The following KCNJ16 variants were observed in gnomAD, a reference collection of about 807,000 sequenced individuals.
KCNJ16 encodes potassium inwardly rectifying channel subfamily J member 16.
A neutral mutation model predicts 18.5 loss-of-function variants in KCNJ16; 15 were observed. The observed-to-expected ratio is 0.81, with a 90% CI of 0.54 to 1.25. KCNJ16 has a LOEUF of 1.25. Among genes scored for constraint, KCNJ16 ranks in the 50% most tolerant of loss-of-function variants. The probability of loss-of-function intolerance (pLI) is 0.00; values close to 1 mark genes in which losing one functional copy is unlikely to be tolerated. For synonymous variants in KCNJ16, 174 were observed against 186.5 expected, an observed-to-expected ratio of 0.93 and a Z score of 0.55; for missense variants, 523 against 525.7, an observed-to-expected ratio of 0.99 and a Z score of 0.05.
At chr17:70,105,125 T>G (rs1445356159) in intron 2 of KCNJ16, 1 of 152,328 alleles carries the variant, frequency 6.6e-6, no homozygotes, top group Admixed American at 6.5e-5. Context: ...ACTAATTGCT[T>G]GTCGGCTCTT....
rs2074153560 is a variant in KCNJ16, at chr17:70,134,108, C to A, written c.*764C>A. 6.0e-6 allele frequency: 1 copy of A among 167,130 alleles called. No homozygotes were observed. The highest frequency in any genetic ancestry group is 6.5e-5 in the Admixed American group (1 of 15,284). 10.4% of individuals were successfully genotyped at this position (167,130 alleles called of 1,614,324 possible). On this transcript the variant is annotated 3_prime_UTR_variant, in exon 4 of 4. Coordinates refer to ENST00000392671, the MANE Select transcript of KCNJ16 (RefSeq NM_170741.4). Reference sequence around the variant, plus strand: ...AAGGCAACCACGACCTTGCTAGGTTCTCTGAGGAGGGGACTTTCTATGTTC... The same window carrying A: ...AAGGCAACCACGACCTTGCTAGGTTATCTGAGGAGGGGACTTTCTATGTTC...
intron 1 of KCNJ16, among the ~76,000 whole-genome samples, chr17:70,077,674 GTTTTT>G (rs77277323): frequency 6.7e-6 from 1 of 149,388 alleles, no homozygotes; most frequent in African/African-American, 2.5e-5. Context: ...GTTAGGCTGT[GTTTTT>G]TTTTTTTGTT....
chr17:70,109,119 T>C (rs1242728269), intron 2 of KCNJ16, among the ~76,000 whole-genome samples: 1 of 152,186 alleles, frequency 6.6e-6, no homozygotes, highest in Non-Finnish European at 1.5e-5. Flanking sequence ...ACCATCACTC[T>C]GATTCCATGT....
At position 70,132,715 on chromosome 17, in the gene KCNJ16, C is replaced by G. The variant is rs562827603; in HGVS notation, c.628C>G (p.His210Asp). ...MWRIGDFRPNHVVEGTVRAQL... is the reference protein window; with the variant it reads ...MWRIGDFRPNDVVEGTVRAQL... ...GCGCATTGGTGATTTTCGGCCAAAC[C>G]ACGTGGTAGAAGGAACAGTTAGAGC... The change falls in exon 4 of 4, where the codon CAC (histidine) becomes GAC (aspartate). Residue 210 changes from histidine (H) to aspartate (D), a missense_variant. By Grantham distance (81) the His-to-Asp change is moderately conservative. Transcript: ENST00000392671. 2.5e-5 allele frequency: 40 copies of G among 1,614,108 alleles called. No homozygotes were observed. In the East Asian group the frequency reaches 8.5e-4, roughly 34 times the overall value.
intron 2 of KCNJ16, among the ~76,000 whole-genome samples, chr17:70,120,143 C>T (rs2073572736): frequency 6.6e-6 from 1 of 152,216 alleles, no homozygotes; most frequent in Admixed American, 6.5e-5. Flanking sequence ...GGCAGAGGCA[C>T]AATGCAGCCA....
chr17:70,133,370 C>A lies in KCNJ16; in HGVS notation c.*26C>A, dbSNP rs756334294. On this transcript the variant is annotated 3_prime_UTR_variant, in exon 4 of 4. Transcript: ENST00000392671. The stretch of plus-strand genomic sequence containing the variant: ...TCCTAAATTGCAATTATGAGGGCTA[C>A]CACTGAATCATTTTATCTTTCAGCC... 2.5e-6 allele frequency: 4 copies of A among 1,569,490 alleles called. No homozygotes were observed. The highest frequency in any genetic ancestry group is 3.5e-6 in the Non-Finnish European group (4 of 1,153,680).
At chr17:70,099,430 G>A (rs1383213723) in intron 1 of KCNJ16, among the ~76,000 whole-genome samples, 1 of 152,002 alleles carries the variant, frequency 6.6e-6, no homozygotes, top group Non-Finnish European at 1.5e-5. Flanking sequence ...AAAGCTATAG[G>A]GAGACACATT....
chr17:70,117,753 T>C (rs928214135), intron 2 of KCNJ16, among the ~76,000 whole-genome samples: 2 of 152,218 alleles, frequency 1.3e-5, no homozygotes, highest in African/African-American at 4.8e-5. Flanking sequence ...TGCCTATATA[T>C]CACATATTGC....
chr17:70,129,413 T>G (rs1439449809), intron 2 of KCNJ16, among the ~76,000 whole-genome samples: 1 of 152,190 alleles, frequency 6.6e-6, no homozygotes, highest in Non-Finnish European at 1.5e-5. Context: ...CTAATAAATA[T>G]TTCATCTAGT....
intron 1 of KCNJ16, among the ~76,000 whole-genome samples, chr17:70,096,310 G>C (rs2215007): frequency 0.85 from 129,098 of 152,092 alleles, 54,858 homozygotes; most frequent in East Asian, 0.96. Context: ...TTTGCCTGTG[G>C]ATAGTTCAAA....
chr17:70,101,836 G>A (rs1219303014), intron 2 of KCNJ16: 1 of 152,064 alleles, frequency 6.6e-6, no homozygotes, highest in Non-Finnish European at 1.5e-5. Context: ...AATGTTCTTA[G>A]TGAACAAGTA....
At chr17:70,110,955 G>A (rs932598452) in intron 2 of KCNJ16, among the ~76,000 whole-genome samples, 1 of 152,132 alleles carries the variant, frequency 6.6e-6, no homozygotes, top group Non-Finnish European at 1.5e-5. Flanking sequence ...GTGTCCCCCA[G>A]TGTGTATATC....
intron 3 of KCNJ16, 78 bp downstream of exon 3, chr17:70,131,053 C>A: frequency 7.5e-7 from 1 of 1,328,552 alleles, no homozygotes; most frequent in Non-Finnish European, 1.0e-6. Flanking sequence ...TAAGGATGTC[C>A]GTGAAAGTAT....
intron 2 of KCNJ16, among the ~76,000 whole-genome samples, chr17:70,105,831 T>C (rs1393789029): frequency 6.6e-6 from 1 of 152,192 alleles, no homozygotes; most frequent in Non-Finnish European, 1.5e-5. Context: ...GTGGCACAAG[T>C]TGAAGGAAGG....
At chr17:70,087,160 G>C (rs894272161) in intron 1 of KCNJ16, among the ~76,000 whole-genome samples, 3 of 151,224 alleles carry the variant, frequency 2.0e-5, no homozygotes, top group African/African-American at 7.3e-5. Context: ...CGCCTGCTTC[G>C]GCCTCCCAAA....
chr17:70,129,099 T>C (rs1381892971), intron 2 of KCNJ16, among the ~76,000 whole-genome samples: 2 of 152,192 alleles, frequency 1.3e-5, no homozygotes, highest in Non-Finnish European at 2.9e-5. Context: ...GGAGGAGTTA[T>C]TCACCCTCCA....
chr17:70,119,459 C>T (rs914480498), intron 2 of KCNJ16, among the ~76,000 whole-genome samples: 3 of 152,226 alleles, frequency 2.0e-5, no homozygotes, highest in Admixed American at 6.5e-5. Flanking sequence ...CAGCAGGCTT[C>T]TGTCTGGGCA....
At chr17:70,131,469 C>T in intron 3 of KCNJ16, 1 of 998,512 alleles carries the variant, frequency 1.0e-6, no homozygotes, top group Non-Finnish European at 1.2e-6. Flanking sequence ...GAGCAAGCAC[C>T]AGGTGCTGAA....
At chr17:70,097,799 C>T (rs1039669623) in intron 1 of KCNJ16, among the ~76,000 whole-genome samples, 1 of 152,040 alleles carries the variant, frequency 6.6e-6, no homozygotes, top group Non-Finnish European at 1.5e-5. Flanking sequence ...CTACTCTGCT[C>T]CTTCACCTCC....
Sources: allele counts gnomAD v4.1 joint callset (sites outside exome capture counted in the v4.1 genomes callset), GRCh38; gene constraint gnomAD v4.1.1; transcripts MANE v1.5; gene names NCBI Gene and HGNC (gene_info 2026-07-23, HGNC 2026-07-21).